Variants in UMODL1 observed in about 807,000 individuals in gnomAD.
The protein encoded by UMODL1 is uromodulin like 1, also known as uromodulin-like 1.
UMODL1 carries 128 observed loss-of-function variants against 136.3 expected under a neutral mutation model. The observed-to-expected ratio is 0.94, with a 90% CI of 0.81 to 1.09. UMODL1 has a LOEUF of 1.09. Ranked by LOEUF, UMODL1 falls within the 50% of genes least tolerant of loss-of-function variation. UMODL1 has a pLI of 0.00. For missense variants in UMODL1, 1,766 were observed against 1,725.6 expected (o/e 1.02, Z -0.41); for synonymous variants, 721 against 720.0 (o/e 1.00, Z -0.02).
At chr21:42,071,865 A>C (rs749933245) in intron 1 of UMODL1, among the ~76,000 whole-genome samples, 4 of 144,924 alleles carry the variant, frequency 2.8e-5, no homozygotes, top group African/African-American at 5.0e-5. Context: ...GGGCAACATC[A>C]TGAGACCCCA....
chr21:42,123,033 A>G lies in UMODL1; in HGVS notation c.3030A>G (p.Glu1010=), dbSNP rs772106914. The change falls in exon 17 of 23, where the codon GAA becomes GAG. Residue 1010 remains glutamate (E), a synonymous_variant. Coordinates refer to ENST00000408910, the MANE Select transcript of UMODL1 (RefSeq NM_001004416.3). This position sits in a 1 kb window ranked among gnomAD's most constrained non-coding sequence, Gnocchi z 4.4. ...VAIQKRFLQQ[E]SIPESSLYLS... The stretch of plus-strand genomic sequence containing the variant: ...TCCAGAAGCGCTTCCTGCAGCAGGA[A>G]TCCATCCCCGAGTCCTCGTTGTACC... The G allele has an allele frequency of 1.2e-6, 2 of 1,614,062 alleles. No individual in the cohort carries two copies. The highest frequency in any genetic ancestry group is 1.1e-5 in the South Asian group (1 of 91,076).
At chr21:42,106,808 C>T (rs1198261517) in intron 9 of UMODL1, among the ~76,000 whole-genome samples, 1 of 152,228 alleles carries the variant, frequency 6.6e-6, no homozygotes, top group Non-Finnish European at 1.5e-5. Context: ...GGATGCTGCA[C>T]AAATGACTTC....
intron 19 of UMODL1, 140 bp from the exon 20 acceptor site, chr21:42,127,532 A>G: frequency 9.3e-7 from 1 of 1,073,920 alleles, no homozygotes; most frequent in Non-Finnish European, 1.3e-6. Context: ...TGGGGAACAA[A>G]TGAGGTGCCC....
At position 42,098,992 on chromosome 21, in the gene UMODL1, G is replaced by T. The variant is rs139395128; in HGVS notation, c.998G>T (p.Arg333Leu). 6.2e-7 allele frequency: 1 copy of T among 1,614,164 alleles called. No homozygotes were observed. The highest frequency in any genetic ancestry group is 8.5e-7 in the Non-Finnish European group (1 of 1,180,022). ...AGTGACAGTTTTCAAGTATCCTGGC[G>T]TTTAAATTCTACACAGAACCACACT... ...VTSDSFQVSW[R>L]LNSTQNHTFH... The change falls in exon 7 of 23, where the codon CGT becomes CTT. Residue 333 changes from arginine to leucine, a missense_variant. By Grantham distance (102) the Arg-to-Leu change is moderately radical. Coordinates refer to ENST00000408910, the MANE Select transcript of UMODL1 (RefSeq NM_001004416.3).
intron 14 of UMODL1, among the ~76,000 whole-genome samples, chr21:42,118,047 C>T (rs1371355988): frequency 6.6e-6 from 1 of 152,176 alleles, no homozygotes; most frequent in Non-Finnish European, 1.5e-5. Context: ...TAACCGCAGA[C>T]GTGGATGTCA....
In UMODL1 at chr21:42,119,109, A is replaced by G; in HGVS notation, c.2476-2A>G. The G allele has an allele frequency of 6.2e-7, 1 of 1,611,550 alleles. No individual in the cohort carries two copies. The highest frequency in any genetic ancestry group is 1.1e-5 in the South Asian group (1 of 90,958). On this transcript the variant is annotated splice_acceptor_variant, in intron 14 of 22. Transcript: ENST00000408910. LOFTEE classifies it high-confidence loss of function. ...CTCCTCACATGGCCTCTTTCCCCGC[A>G]GGTGCGGGGCTCCCTGCCAGCCACC...
At chr21:42,086,075 T>A (rs2066423292) in intron 4 of UMODL1, among the ~76,000 whole-genome samples, 1 of 152,172 alleles carries the variant, frequency 6.6e-6, no homozygotes, top group Non-Finnish European at 1.5e-5. Flanking sequence ...CAGGCCACCA[T>A]CAGTCTCGGG....
chr21:42,071,883 C>CAAAA lies in UMODL1; in HGVS notation c.76+503_76+506dup, dbSNP rs71274595. Among the ~76,000 whole-genome samples the CAAAA allele has an allele frequency of 1.9e-3, 259 of 137,680 alleles. 6 individuals are homozygous for CAAAA. Among genetic ancestry groups the CAAAA allele is most frequent in the African/African-American group, 6.3e-3 (234 of 37,084 alleles). The allele number at this position is 137,680 out of a possible 152,430, so 90.3% of individuals were successfully genotyped here. On this transcript the variant is annotated intron_variant, in intron 1 of 22. Transcript: ENST00000408910. ...CAACATCATGAGACCCCATGTGTAC[C>CAAAA]AAAAAAAAAAAAAAATTAGCCAGCC...
At chr21:42,094,739 C>T (rs1569151012) in intron 6 of UMODL1, among the ~76,000 whole-genome samples, 1 of 152,128 alleles carries the variant, frequency 6.6e-6, no homozygotes, top group Non-Finnish European at 1.5e-5. Flanking sequence ...GAGAGATTGG[C>T]CTTAGCACGT....
At position 42,127,812 on chromosome 21, in the gene UMODL1, C is replaced by T. The variant is rs1232834909; in HGVS notation, c.3671C>T (p.Pro1224Leu). ...HCKLRVCMES[P>L]GATCKINCNN... Reference sequence around the variant, plus strand: ...AAACTCCGCGTCTGCATGGAATCCCCCGGAGCCACGTGCAAAATCGTAAGT... The same window carrying T: ...AAACTCCGCGTCTGCATGGAATCCCTCGGAGCCACGTGCAAAATCGTAAGT... The change falls in exon 20 of 23, where the codon CCC becomes CTC. Residue 1224 changes from proline (P) to leucine (L), a missense_variant. Pro to Leu is a moderately conservative substitution (Grantham distance 98). Coordinates refer to ENST00000408910, the MANE Select transcript of UMODL1 (RefSeq NM_001004416.3). 6.2e-7 allele frequency: 1 copy of T among 1,612,446 alleles called. No individual in the cohort carries two copies. The highest frequency in any genetic ancestry group is 1.7e-4 in the Middle Eastern group (1 of 6,052).
intron 21 of UMODL1, among the ~76,000 whole-genome samples, chr21:42,136,536 C>A (rs548322519): frequency 7.2e-5 from 11 of 152,124 alleles, no homozygotes; most frequent in Non-Finnish European, 1.6e-4. Context: ...AGTGGGTCAG[C>A]GCTTTACTCC....
rs973331637 is a variant in UMODL1, at chr21:42,095,172, G to A, written c.932-3754G>A. Among the ~76,000 whole-genome samples, 12 of 136,658 alleles carry A rather than the reference G, an allele frequency of 8.8e-5. No individual in the cohort carries two copies. The Admixed American group carries it at 9.3e-4, about 11-fold the overall frequency. 89.7% of individuals were successfully genotyped at this position (136,658 alleles called of 152,430 possible). On this transcript the variant is annotated intron_variant, in intron 6 of 22. Coordinates refer to ENST00000408910, the MANE Select transcript of UMODL1 (RefSeq NM_001004416.3). ...TACAGTGGCACAGTCTCGGCTCACT[G>A]CAGCCTCCACCTCCTGGGTTCAATT... is the stretch of plus-strand genomic sequence containing the variant.
intron 21 of UMODL1, among the ~76,000 whole-genome samples, chr21:42,130,809 CTTTT>C (rs776779498): frequency 2.1e-5 from 3 of 139,558 alleles, no homozygotes; most frequent in African/African-American, 2.6e-5. Context: ...CTGACCTCCA[CTTTT>C]TTTTTTTTTT....
chr21:42,108,050 C>T (rs1483419174), intron 9 of UMODL1, among the ~76,000 whole-genome samples: 2 of 152,346 alleles, frequency 1.3e-5, no homozygotes, highest in East Asian at 3.9e-4. Flanking sequence ...AACTGGAGGG[C>T]CGGCAAGCCT....
At chr21:42,114,742 A>G (rs2066881491) in intron 13 of UMODL1, among the ~76,000 whole-genome samples, 1 of 152,260 alleles carries the variant, frequency 6.6e-6, no homozygotes, top group Admixed American at 6.5e-5. Context: ...GTGCACGTTC[A>G]CGAGCAGCTG....
chr21:42,133,915 T>TTTGTTTTG (rs1331168304), intron 21 of UMODL1, among the ~76,000 whole-genome samples: 1 of 136,380 alleles, frequency 7.3e-6, no homozygotes, highest in Non-Finnish European at 1.6e-5. Context: ...TTTGTTTTGT[T>TTTGTTTTG]TTGTTTCGTT....
intron 9 of UMODL1, among the ~76,000 whole-genome samples, chr21:42,106,619 G>A (rs2066723646): frequency 6.6e-6 from 1 of 152,200 alleles, no homozygotes; most frequent in East Asian, 1.9e-4. Context: ...CATGTGTTCG[G>A]TCTTTCCCCA....
At chr21:42,107,987 G>T (rs2066746461) in intron 9 of UMODL1, among the ~76,000 whole-genome samples, 1 of 152,344 alleles carries the variant, frequency 6.6e-6, no homozygotes, top group African/African-American at 2.4e-5. Context: ...GCCCGGGAGG[G>T]TGCAGAGGCT....
chr21:42,071,032 A>C (rs1334904569), upstream of UMODL1, among the ~76,000 whole-genome samples: 1 of 152,038 alleles, frequency 6.6e-6, no homozygotes, highest in African/African-American at 2.4e-5. Context: ...GCTTTTGGGT[A>C]CTCACCTTTC....
Sources: allele counts gnomAD v4.1 joint callset (sites outside exome capture counted in the v4.1 genomes callset), GRCh38; gene constraint gnomAD v4.1.1; non-coding constraint Gnocchi (gnomAD v3.1); transcripts MANE v1.5; gene names NCBI Gene and HGNC (gene_info 2026-07-23, HGNC 2026-07-21).